WDR1: variants seen among roughly 807,000 people sequenced by gnomAD.
WDR1 encodes the protein WD repeat domain 1, also known as WD repeat-containing protein 1.
In WDR1, 21 loss-of-function variants were observed where a neutral mutation model predicts 71.9. The ratio of observed to expected loss-of-function variants is 0.29; its 90% CI spans 0.21 to 0.42. The LOEUF (loss-of-function observed/expected upper bound fraction) is 0.42, where lower values mean the gene tolerates loss of function less well. Ranked by LOEUF, WDR1 falls within the 10% of genes least tolerant of loss-of-function variation. The pLI is 1.00. For missense variants in WDR1, 696 were observed against 824.5 expected, an observed-to-expected ratio of 0.84 and a Z score of 1.91; for synonymous variants, 424 against 347.4, an observed-to-expected ratio of 1.22 and a Z score of -2.45.
intron 2 of WDR1, among the ~76,000 whole-genome samples, chr4:10,114,907 C>G (rs532529978): frequency 6.6e-6 from 1 of 152,198 alleles, no homozygotes; most frequent in South Asian, 2.1e-4. Flanking sequence ...CCTGGGTTAA[C>G]GAGACAGATG....
At chr4:10,079,561 G>A (rs1764936417) in intron 11 of WDR1, among the ~76,000 whole-genome samples, 1 of 152,242 alleles carries the variant, frequency 6.6e-6, no homozygotes, top group African/African-American at 2.4e-5. Flanking sequence ...GGTACATGCA[G>A]CAGAGGCTCT....
At chr4:10,082,380 T>G (rs927942028) in intron 10 of WDR1, among the ~76,000 whole-genome samples, 3 of 151,938 alleles carry the variant, frequency 2.0e-5, no homozygotes, top group African/African-American at 4.8e-5. Context: ...ACAAGAAATG[T>G]AGGGCCAGAG....
intron 2 of WDR1, among the ~76,000 whole-genome samples, chr4:10,115,285 G>A (rs1403454866): frequency 3.3e-5 from 5 of 152,252 alleles, no homozygotes; most frequent in African/African-American, 9.6e-5. Flanking sequence ...GAGACTGACA[G>A]ACTGGGTCAC....
At chr4:10,104,850 G>A (rs564471489) in intron 2 of WDR1, among the ~76,000 whole-genome samples, 9 of 152,248 alleles carry the variant, frequency 5.9e-5, no homozygotes, top group South Asian at 2.1e-4. Context: ...GCAGCTTCCC[G>A]CCAGCTTGAG....
At chr4:10,078,265 C>A (rs1764876556) in intron 12 of WDR1, among the ~76,000 whole-genome samples, 1 of 152,204 alleles carries the variant, frequency 6.6e-6, no homozygotes. Flanking sequence ...AGGGCACTGC[C>A]ACGCCTGCTG....
intron 6 of WDR1, 70 bp from the exon 7 acceptor site, chr4:10,088,443 G>A: frequency 1.4e-6 from 2 of 1,449,088 alleles, no homozygotes; most frequent in African/African-American, 1.4e-5. Flanking sequence ...TTTCTCCATG[G>A]ACTGTGGCTG....
At chr4:10,086,855 C>G (rs1161063087) in intron 8 of WDR1, among the ~76,000 whole-genome samples, 1 of 152,194 alleles carries the variant, frequency 6.6e-6, no homozygotes, top group Non-Finnish European at 1.5e-5. Context: ...GGGAACCTGA[C>G]TTGGAGTTCC....
intron 8 of WDR1, among the ~76,000 whole-genome samples, chr4:10,085,165 G>A (rs1765164743): frequency 6.6e-6 from 1 of 152,214 alleles, no homozygotes; most frequent in African/African-American, 2.4e-5. Context: ...CCATATCTGA[G>A]CCTGAGACAA....
chr4:10,104,774 G>A (rs563811938), intron 2 of WDR1, among the ~76,000 whole-genome samples: 1 of 152,294 alleles, frequency 6.6e-6, no homozygotes, highest in East Asian at 1.9e-4. Context: ...AGGGAATAAA[G>A]ACATGGCCAT....
At chr4:10,111,933 G>A (rs1403306294) in intron 2 of WDR1, among the ~76,000 whole-genome samples, 1 of 152,102 alleles carries the variant, frequency 6.6e-6, no homozygotes, top group Non-Finnish European at 1.5e-5. Flanking sequence ...TTTTCCAAAT[G>A]TGTATTTTAG....
intron 12 of WDR1, among the ~76,000 whole-genome samples, 175 bp from the exon 13 acceptor site, chr4:10,078,101 C>T (rs1174471363): frequency 2.0e-5 from 3 of 152,240 alleles, no homozygotes; most frequent in Non-Finnish European, 2.9e-5. Context: ...CTGAAACCTA[C>T]GCAGCTCTAT....
At chr4:10,095,237 A>C (rs528632234) in intron 5 of WDR1, among the ~76,000 whole-genome samples, 135 of 152,396 alleles carry the variant, frequency 8.9e-4, no homozygotes, top group African/African-American at 3.0e-3. Context: ...TGCAGAATGA[A>C]AGATCTGGGG....
At chr4:10,097,679 A>G in intron 5 of WDR1, 32 bp downstream of exon 5, 2 of 1,594,936 alleles carry the variant, frequency 1.3e-6, no homozygotes, top group Non-Finnish European at 8.6e-7. Context: ...TGTACAAACC[A>G]CAAATTTCAC....
intron 2 of WDR1, chr4:10,108,496 GAA>G (rs934038024): frequency 2.0e-5 from 3 of 152,276 alleles, no homozygotes; most frequent in African/African-American, 7.2e-5. Context: ...GAACCCCAGA[GAA>G]AGTCTCAGGC....
intron 2 of WDR1, among the ~76,000 whole-genome samples, chr4:10,111,281 C>G (rs1349513079): frequency 6.6e-6 from 1 of 152,218 alleles, no homozygotes; most frequent in African/African-American, 2.4e-5. Flanking sequence ...CTCAGTGCCA[C>G]AGTAACAGCC....
chr4:10,075,034 T>G lies in WDR1; in HGVS notation c.*344A>C. 9 of 369,068 alleles carry G rather than the reference T, an allele frequency of 2.4e-5. No individual in the cohort carries two copies. Among genetic ancestry groups the G allele is most frequent in the East Asian group, 4.5e-5 (1 of 22,394 alleles). 22.9% of individuals were successfully genotyped at this position (369,068 alleles called of 1,614,324 possible). A position where few individuals can be genotyped will look rare whatever the true frequency, so the allele number is the denominator to read the frequency against. On this transcript the variant is annotated 3_prime_UTR_variant, in exon 15 of 15. Coordinates refer to ENST00000499869, the MANE Select transcript of WDR1 (RefSeq NM_017491.5). ...CACCTGTACAACCTCCCCTGACAGA[T>G]AGTGAGAGCCGCGGCGGGGCCAGGG...
chr4:10,077,947 A>T (rs1560526696), intron 12 of WDR1, 21 bp from the exon 13 acceptor site: 1 of 1,587,492 alleles, frequency 6.3e-7, no homozygotes, highest in Non-Finnish European at 8.6e-7. Context: ...GACAGAGAGG[A>T]AGTGAGCCAC....
At chr4:10,097,547 G>T (rs999963975) in intron 5 of WDR1, among the ~76,000 whole-genome samples, 164 bp downstream of exon 5, 1 of 152,228 alleles carries the variant, frequency 6.6e-6, no homozygotes, top group Non-Finnish European at 1.5e-5. Context: ...AGTGCTGGGT[G>T]GGGGAGCCCT....
intron 2 of WDR1, among the ~76,000 whole-genome samples, chr4:10,114,423 A>G (rs1035188183): frequency 6.6e-6 from 1 of 152,196 alleles, no homozygotes; most frequent in Admixed American, 6.5e-5. Context: ...TCCTCTTTAG[A>G]GTAACGGACC....
Sources: allele counts gnomAD v4.1 joint callset (sites outside exome capture counted in the v4.1 genomes callset), GRCh38; gene constraint gnomAD v4.1.1; transcripts MANE v1.5; gene names NCBI Gene and HGNC (gene_info 2026-07-23, HGNC 2026-07-21).